The following SRC variants were observed in gnomAD, a reference collection of about 807,000 sequenced individuals.
SRC encodes the protein SRC proto-oncogene, non-receptor tyrosine kinase.
SRC carries 13 observed loss-of-function variants against 62.9 expected under a neutral mutation model. That is an observed-to-expected ratio of 0.21 (90% CI 0.13 to 0.33). SRC has a LOEUF of 0.33. Among genes scored for constraint, SRC ranks in the 10% least tolerant of loss-of-function variants. SRC has a pLI of 1.00. For synonymous variants in SRC, 302 were observed against 317.5 expected (o/e 0.95, Z 0.52); for missense variants, 457 against 737.3 (o/e 0.62, Z 4.40).
chr20:37,375,293 G>A (rs1004508640), intron 2 of SRC, among the ~76,000 whole-genome samples: 1 of 151,288 alleles, frequency 6.6e-6, no homozygotes, highest in Admixed American at 6.6e-5. Context: ...GTGCAGTGCT[G>A]TGATAATGGC....
rs1224254378 is a variant in SRC, at chr20:37,402,948, A to G, written c.1402+68A>G. The G allele has an allele frequency of 3.9e-6, 6 of 1,550,896 alleles. No homozygotes were observed. Among genetic ancestry groups the G allele is most frequent in the Non-Finnish European group, 5.2e-6 (6 of 1,150,172 alleles). On this transcript the variant is annotated intron_variant, in intron 13 of 13. Transcript: ENST00000373578. The surrounding 1 kb of genome is among the most constrained non-coding windows in gnomAD (Gnocchi z 6.2). The stretch of plus-strand genomic sequence containing the variant: ...CTGCCCTGGTGGCCTTGGGCAAGTC[A>G]TGACTCCTGCTGGGCCTGTTTCCCC...
intron 5 of SRC, among the ~76,000 whole-genome samples, chr20:37,393,057 C>A (rs534191282): frequency 1.3e-5 from 2 of 152,252 alleles, no homozygotes; most frequent in South Asian, 4.1e-4. Context: ...CCCAGGGGAC[C>A]CGACCACGCC....
chr20:37,382,371 T>C (rs1377000608), intron 2 of SRC, among the ~76,000 whole-genome samples: 1 of 152,120 alleles, frequency 6.6e-6, no homozygotes, highest in Admixed American at 6.5e-5. Context: ...AGGATCTGGA[T>C]GTGGAGAGCC....
intron 5 of SRC, among the ~76,000 whole-genome samples, chr20:37,387,557 G>C (rs911148607): frequency 6.6e-6 from 1 of 152,078 alleles, no homozygotes; most frequent in Non-Finnish European, 1.5e-5. Flanking sequence ...TTGGCGGGGG[G>C]GTGGGAGGGG....
At chr20:37,378,003 G>A (rs1168703392) in intron 2 of SRC, among the ~76,000 whole-genome samples, 1 of 151,554 alleles carries the variant, frequency 6.6e-6, no homozygotes, top group Non-Finnish European at 1.5e-5. Context: ...CGTCACCTCA[G>A]TTATCATTCC....
chr20:37,364,781 G>A (rs996439179), intron 1 of SRC, among the ~76,000 whole-genome samples: 1 of 152,206 alleles, frequency 6.6e-6, no homozygotes, highest in Non-Finnish European at 1.5e-5. Flanking sequence ...CGCAGTAGGT[G>A]CTCAGCTAAA....
chr20:37,391,675 G>GA (rs975433515), intron 5 of SRC, among the ~76,000 whole-genome samples: 6 of 152,090 alleles, frequency 3.9e-5, no homozygotes, highest in Middle Eastern at 3.2e-3. Context: ...CCAACATGGT[G>GA]AAACCCCGTC....
rs901508243 is a variant in SRC, at chr20:37,403,588, G to A, written c.*209G>A. 5 of 601,194 alleles carry A rather than the reference G, an allele frequency of 8.3e-6. No individual in the cohort carries two copies. Among genetic ancestry groups the A allele is most frequent in the African/African-American group, 7.4e-5 (4 of 53,942 alleles). The allele number at this position is 601,194 out of a possible 1,614,324, so 37.2% of individuals were successfully genotyped here. ...GGCGGTGGGTATGCGAGACCAGCAC[G>A]GTGACTCTGTCCAGCTCCCGCTGTG... On this transcript the variant is annotated 3_prime_UTR_variant, in exon 14 of 14. Transcript: ENST00000373578. This position sits in a 1 kb window ranked among gnomAD's most constrained non-coding sequence, Gnocchi z 7.1.
In SRC at chr20:37,396,395, T is replaced by C; in HGVS notation, c.703+84T>C. 6.6e-7 allele frequency: 1 copy of C among 1,515,186 alleles called. No individual in the cohort carries two copies. Among genetic ancestry groups the C allele is most frequent in the Non-Finnish European group, 9.0e-7 (1 of 1,116,862 alleles). The allele number at this position is 1,515,186 out of a possible 1,614,324, so 93.9% of individuals were successfully genotyped here. ...GGAGGGGCCTTGGAGCCTAGAAGGG[T>C]GGGGACTTCTGTTATCCTGCTTCTC... On this transcript the variant is annotated intron_variant, in intron 8 of 13. Coordinates refer to ENST00000373578, the MANE Select transcript of SRC (RefSeq NM_198291.3). This position sits in a 1 kb window ranked among gnomAD's most constrained non-coding sequence, Gnocchi z 6.1.
Position 37,384,541 on chromosome 20 carries a change from T to TG in SRC, c.250+138_250+139insG, listed in dbSNP as rs1177649461. ...GTAGCGCCCCTGGGTGACTTGGGTG[T>TG]CCGGGGGGTGGGGGGGCGGCCGTAC... On this transcript the variant is annotated intron_variant, in intron 4 of 13. Coordinates refer to ENST00000373578, the MANE Select transcript of SRC (RefSeq NM_198291.3). This position sits in a 1 kb window ranked among gnomAD's most constrained non-coding sequence, Gnocchi z 6.7. The TG allele has an allele frequency of 5.4e-5, 19 of 352,010 alleles. No individual in the cohort carries two copies. The highest frequency in any genetic ancestry group is 3.7e-4 in the African/African-American group (14 of 37,924). The allele number at this position is 352,010 out of a possible 1,614,324, so 21.8% of individuals were successfully genotyped here.
At chr20:37,349,863 C>A (rs1161456029) in intron 1 of SRC, among the ~76,000 whole-genome samples, 1 of 152,264 alleles carries the variant, frequency 6.6e-6, no homozygotes, top group African/African-American at 2.4e-5. Flanking sequence ...CTAGCCCCAG[C>A]CCCGCTTCTT....
At chr20:37,359,407 G>A (rs536195126) in intron 1 of SRC, among the ~76,000 whole-genome samples, 2 of 152,390 alleles carry the variant, frequency 1.3e-5, no homozygotes, top group East Asian at 1.9e-4. Flanking sequence ...AAGGCGGTAA[G>A]GGCCACGAAT....
intron 1 of SRC, among the ~76,000 whole-genome samples, chr20:37,348,162 G>A (rs2069750396): frequency 6.6e-6 from 1 of 152,188 alleles, no homozygotes; most frequent in African/African-American, 2.4e-5. Context: ...GCCCCGCCAG[G>A]CTTAGCTTAG....
intron 5 of SRC, among the ~76,000 whole-genome samples, chr20:37,393,542 A>G (rs2070588219): frequency 7.1e-6 from 1 of 141,688 alleles, no homozygotes; most frequent in Non-Finnish European, 1.6e-5. Context: ...CTCCCAAGGC[A>G]GCTCTCGGCA....
chr20:37,377,604 G>A (rs1049093358), intron 2 of SRC, among the ~76,000 whole-genome samples: 7 of 152,216 alleles, frequency 4.6e-5, no homozygotes, highest in African/African-American at 1.7e-4. Flanking sequence ...GTGGGAGCAT[G>A]GGACACACCA....
intron 2 of SRC, among the ~76,000 whole-genome samples, chr20:37,375,520 G>C (rs543839550): frequency 2.0e-5 from 3 of 152,080 alleles, no homozygotes; most frequent in Non-Finnish European, 4.4e-5. Context: ...TTACATGCAT[G>C]AGCCAACACA....
intron 2 of SRC, among the ~76,000 whole-genome samples, chr20:37,380,157 C>A (rs1479519686): frequency 6.6e-6 from 1 of 152,074 alleles, no homozygotes; most frequent in Non-Finnish European, 1.5e-5. Context: ...GTGGGCCATT[C>A]TTGCTCAAGG....
intron 2 of SRC, among the ~76,000 whole-genome samples, chr20:37,381,293 T>C (rs538037637): frequency 6.6e-6 from 1 of 152,060 alleles, no homozygotes; most frequent in African/African-American, 2.4e-5. Context: ...GGGTCAGGGG[T>C]TGTGTCTTTT....
intron 2 of SRC, 51 bp downstream of exon 2, chr20:37,365,328 AC>A (rs1171237666): frequency 7.6e-5 from 6 of 79,098 alleles, no homozygotes; most frequent in African/African-American, 3.3e-4. Flanking sequence ...CAACACACAC[AC>A]ACACACACAC....
Sources: gnomAD v4.1 joint callset for allele counts (sites outside exome capture counted in the v4.1 genomes callset) on GRCh38, gnomAD v4.1.1 for gene constraint, Gnocchi (gnomAD v3.1) non-coding constraint, MANE v1.5 for transcripts, NCBI Gene and HGNC (gene_info 2026-07-23, HGNC 2026-07-21) for gene names.